The following PRR5 variants were observed in gnomAD, a reference collection of about 807,000 sequenced individuals.
PRR5 encodes the protein proline-rich protein 5.
A neutral mutation model predicts 30.6 loss-of-function variants in PRR5; 25 were observed. The observed-to-expected ratio is 0.82, with a 90% confidence interval of 0.60 to 1.14. PRR5 has a LOEUF of 1.14. PRR5 is among the 50% of genes most tolerant of loss of function. The pLI is 0.00. For synonymous variants in PRR5, 286 were observed against 247.1 expected (o/e 1.16, Z -1.48); for missense variants, 600 against 547.1 (o/e 1.10, Z -0.96).
At chr22:44,682,880 T>C (rs1429332728) in intron 1 of PRR5, among the ~76,000 whole-genome samples, 2 of 152,222 alleles carry the variant, frequency 1.3e-5, no homozygotes, top group Non-Finnish European at 2.9e-5. Context: ...TGGACAGTAC[T>C]GTCCTCTAAA....
intron 4 of PRR5, among the ~76,000 whole-genome samples, chr22:44,728,966 C>T (rs3761481): frequency 0.14 from 21,428 of 152,184 alleles, 1,637 homozygotes; most frequent in East Asian, 0.21. Context: ...TGGACCGCGG[C>T]CGGGGTTGTA....
At chr22:44,706,150 C>A (rs955859258) in intron 1 of PRR5, among the ~76,000 whole-genome samples, 1 of 152,172 alleles carries the variant, frequency 6.6e-6, no homozygotes, top group Non-Finnish European at 1.5e-5. Flanking sequence ...AGGGCCCATC[C>A]TTAGTTAAGG....
At chr22:44,694,681 C>T (rs1279027474) in intron 1 of PRR5, among the ~76,000 whole-genome samples, 1 of 152,156 alleles carries the variant, frequency 6.6e-6, no homozygotes, top group Non-Finnish European at 1.5e-5. Context: ...CTTTCAGAGC[C>T]CCAACTAACC....
intron 4 of PRR5, among the ~76,000 whole-genome samples, chr22:44,729,073 CT>C (rs914239726): frequency 1.3e-5 from 2 of 152,236 alleles, no homozygotes; most frequent in African/African-American, 4.8e-5. Context: ...GCGGGAGCTC[CT>C]GGTCCTCTGC....
chr22:44,735,304 C>T, intron 7 of PRR5, 142 bp downstream of exon 7: 1 of 1,248,244 alleles, frequency 8.0e-7, no homozygotes, highest in Non-Finnish European at 1.1e-6. Flanking sequence ...AGCCCCCAGC[C>T]TGCCATATGC....
rs1023832523 is a variant in PRR5 at position 44,691,501 on chromosome 22, C to T, written c.-10-10991C>T. On this transcript the variant is annotated intron_variant, in intron 1 of 8. Coordinates refer to the PRR5 transcript ENST00000006251. This position sits in a 1 kb window ranked among gnomAD's most constrained non-coding sequence, Gnocchi z 4.4. ...CTGTGAAGAGTTGGGGCCCCTCCAG[C>T]GCCCCTGCAGTTTGGGAGGCCGAGC... Among the ~76,000 whole-genome samples, 3 of 152,112 alleles carry T rather than the reference C, an allele frequency of 2.0e-5. No individual in the cohort carries two copies. The highest frequency in any genetic ancestry group is 4.4e-5 in the Non-Finnish European group (3 of 68,016).
At chr22:44,670,972 G>A (rs1189600801) in intron 1 of PRR5, among the ~76,000 whole-genome samples, 1 of 152,174 alleles carries the variant, frequency 6.6e-6, no homozygotes, top group African/African-American at 2.4e-5. Context: ...ATAGAGGAGG[G>A]GAGTCATTCA....
chr22:44,710,617 G>A (rs1191526176), intron 1 of PRR5, among the ~76,000 whole-genome samples: 1 of 150,894 alleles, frequency 6.6e-6, no homozygotes, highest in Non-Finnish European at 1.5e-5. Context: ...GTATCCCTGA[G>A]TGGCCCGCAG....
chr22:44,689,177 G>A (rs942016334), intron 1 of PRR5, among the ~76,000 whole-genome samples: 1 of 152,146 alleles, frequency 6.6e-6, no homozygotes, highest in Admixed American at 6.6e-5. Context: ...TTCATGTGAT[G>A]AAGACAATAT....
rs755102286 is a variant in PRR5, at chr22:44,735,030, G to A, written c.559G>A (p.Val187Ile). Residue 187 changes from valine (V) to isoleucine (I), a missense_variant, in exon 7 of 8, where the codon GTA becomes ATA. Val to Ile is a conservative substitution (Grantham distance 29). Transcript: ENST00000336985. ...IVQMLLVLQGVHESRGVTEDY... is the reference protein window; with the variant it reads ...IVQMLLVLQGIHESRGVTEDY... ...CCCCTGCCCCACTCTCCTGCAGGGG[G>A]TACATGAGTCCAGGGGCGTGACTGA... The A allele has an allele frequency of 1.9e-6, 3 of 1,612,332 alleles. No individual in the cohort carries two copies. The African/African-American group carries it at 4.0e-5, about 22-fold the overall frequency.
upstream of PRR5, among the ~76,000 whole-genome samples, chr22:44,675,595 G>C (rs1276567999): frequency 2.0e-5 from 3 of 152,094 alleles, no homozygotes; most frequent in Admixed American, 6.5e-5. Flanking sequence ...ACCCCAGGCA[G>C]GGCTCTCACC....
At chr22:44,668,764 G>C (rs1170237844) in exon 1 of PRR5, 1 of 148,946 alleles carries the variant, frequency 6.7e-6, no homozygotes, top group Non-Finnish European at 1.5e-5. Context: ...TCCGGCTCTG[G>C]CTCTGCGCGG....
intron 5 of PRR5, 138 bp from the exon 6 acceptor site, chr22:44,732,113 G>A (rs1922109017): frequency 3.6e-6 from 5 of 1,373,004 alleles, no homozygotes; most frequent in Non-Finnish European, 5.0e-6. Flanking sequence ...CCTTGGGACG[G>A]GGTCATCTGA....
At chr22:44,704,915 T>G (rs1218345315) in intron 1 of PRR5, among the ~76,000 whole-genome samples, 2 of 152,188 alleles carry the variant, frequency 1.3e-5, no homozygotes, top group African/African-American at 4.8e-5. Context: ...GGGCACCCCT[T>G]CTGGTCCCTG....
intron 7 of PRR5, among the ~76,000 whole-genome samples, chr22:44,735,753 C>T (rs1195233533): frequency 6.6e-6 from 1 of 152,332 alleles, no homozygotes. Flanking sequence ...TAGCTGGAAG[C>T]TGGGAGCATC....
chr22:44,712,066 G>T (rs1005367047), intron 1 of PRR5, among the ~76,000 whole-genome samples: 1 of 152,002 alleles, frequency 6.6e-6, no homozygotes, highest in Middle Eastern at 3.4e-3. Context: ...ACAGGGGAGC[G>T]TCATCCCAGC....
At chr22:44,702,104 C>T (rs1157116801), upstream of PRR5, 4 of 224,718 alleles carry the variant, frequency 1.8e-5, no homozygotes, top group South Asian at 1.6e-4. Context: ...CGCCCCCTCG[C>T]CTGAGGCCCC....
intron 6 of PRR5, among the ~76,000 whole-genome samples, chr22:44,732,959 G>A (rs975462092): frequency 5.4e-5 from 8 of 149,004 alleles, no homozygotes; most frequent in African/African-American, 1.3e-4. Flanking sequence ...ACACATACGC[G>A]TGCACACGCA....
upstream of PRR5, among the ~76,000 whole-genome samples, chr22:44,675,671 G>A (rs1923701334): frequency 6.6e-6 from 1 of 152,134 alleles, no homozygotes; most frequent in African/African-American, 2.4e-5. Flanking sequence ...CATCCTAGGG[G>A]TTCTGGGAGG....
Sources: gnomAD v4.1 joint callset for allele counts (sites outside exome capture counted in the v4.1 genomes callset) on GRCh38, gnomAD v4.1.1 for gene constraint, Gnocchi (gnomAD v3.1) non-coding constraint, MANE v1.5 for transcripts, NCBI Gene and HGNC (gene_info 2026-07-23, HGNC 2026-07-21) for gene names.